Variants in NYAP2 observed in about 807,000 individuals in gnomAD.
The protein encoded by NYAP2 is neuronal tyrosine-phosphorylated phosphoinositide-3-kinase adaptor 2.
A neutral mutation model predicts 50.4 loss-of-function variants in NYAP2; 23 were observed. The ratio of observed to expected loss-of-function variants is 0.46; its 90% CI spans 0.33 to 0.65. The LOEUF (loss-of-function observed/expected upper bound fraction) is 0.65. Ranked by LOEUF, NYAP2 falls within the 30% of genes least tolerant of loss-of-function variation. NYAP2 has a pLI of 0.02. For synonymous variants in NYAP2, 394 were observed against 365.2 expected, an observed-to-expected ratio of 1.08 and a Z score of -0.90; for missense variants, 885 against 861.0, an observed-to-expected ratio of 1.03 and a Z score of -0.35.
chr2:225,591,280 C>T (rs1030378485), intron 5 of NYAP2, among the ~76,000 whole-genome samples: 1 of 152,194 alleles, frequency 6.6e-6, no homozygotes, highest in African/African-American at 2.4e-5. Flanking sequence ...GAGAGCATTA[C>T]TGGCAATCTG....
At chr2:225,638,156 T>TTG (rs146481098) in intron 6 of NYAP2, among the ~76,000 whole-genome samples, 12,304 of 135,196 alleles carry the variant, frequency 0.091, 651 homozygotes, top group Admixed American at 0.13. Flanking sequence ...ACTCGTGTGT[T>TTG]TGTGTGTGTG....
intron 3 of NYAP2, among the ~76,000 whole-genome samples, chr2:225,413,472 T>G (rs1239222862): frequency 6.6e-5 from 10 of 152,194 alleles, no homozygotes; most frequent in Non-Finnish European, 1.3e-4. Context: ...AATTCAATTT[T>G]ATTTGATTCA....
At chr2:225,597,268 A>G (rs1240714010) in intron 5 of NYAP2, among the ~76,000 whole-genome samples, 1 of 151,268 alleles carries the variant, frequency 6.6e-6, no homozygotes, top group African/African-American at 2.4e-5. Context: ...ATTGTACCCA[A>G]TTTGTAGTCT....
At chr2:225,473,980 T>G (rs1177889522) in intron 3 of NYAP2, among the ~76,000 whole-genome samples, 1 of 152,236 alleles carries the variant, frequency 6.6e-6, no homozygotes, top group Non-Finnish European at 1.5e-5. Context: ...TTGAATTAAT[T>G]TTTGTATAAG....
At chr2:225,475,615 G>T (rs532569738) in intron 3 of NYAP2, among the ~76,000 whole-genome samples, 16 of 152,320 alleles carry the variant, frequency 1.1e-4, no homozygotes, top group Admixed American at 9.8e-4. Flanking sequence ...GCATTCAGTT[G>T]TGAGGTTTAT....
Position 225,583,123 on chromosome 2 carries a change from A to C in NYAP2, c.1618+88A>C. ...CCCATTGTGTGCAGATAACGCACAG[A>C]GTACGGGGTCTTGAGGCCTTGGAGT... On this transcript the variant is annotated intron_variant, in intron 5 of 6. Coordinates refer to ENST00000636099, the Ensembl canonical transcript of NYAP2. The C allele has an allele frequency of 2.1e-6, 3 of 1,447,092 alleles. No individual in the cohort carries two copies. In the South Asian group the frequency reaches 4.2e-5, roughly 20 times the overall value. 89.6% of individuals were successfully genotyped at this position (1,447,092 alleles called of 1,614,324 possible).
chr2:225,426,309 A>G (rs1256151604), intron 3 of NYAP2, among the ~76,000 whole-genome samples: 1 of 152,148 alleles, frequency 6.6e-6, no homozygotes, highest in Non-Finnish European at 1.5e-5. Flanking sequence ...AGTTTTCTCC[A>G]TGTAATATCA....
At chr2:225,514,633 T>C (rs1380471158) in intron 4 of NYAP2, among the ~76,000 whole-genome samples, 2 of 152,098 alleles carry the variant, frequency 1.3e-5, no homozygotes, top group Admixed American at 1.3e-4. Flanking sequence ...TACCTCCACA[T>C]ACAATCATTA....
intron 3 of NYAP2, among the ~76,000 whole-genome samples, chr2:225,492,211 T>C (rs561565632): frequency 2.0e-5 from 3 of 152,206 alleles, no homozygotes; most frequent in East Asian, 1.9e-4. Flanking sequence ...GAAGCATCTA[T>C]GTCAGAACCA....
chr2:225,476,923 T>C (rs1294504740), intron 3 of NYAP2, among the ~76,000 whole-genome samples: 1 of 152,218 alleles, frequency 6.6e-6, no homozygotes, highest in Non-Finnish European at 1.5e-5. Flanking sequence ...AAAAAACGGC[T>C]ATTTAACAAC....
Position 225,582,367 on chromosome 2 carries a change from G to A in NYAP2, c.950G>A (p.Gly317Glu), listed in dbSNP as rs1224651608. The change falls in exon 5 of 7, where the codon GGG (glycine) becomes GAG (glutamate). Residue 317 changes from glycine to glutamate, a missense_variant. By Grantham distance (98) the Gly-to-Glu change is moderately conservative (BLOSUM62 -2). Transcript: ENST00000636099. The surrounding 1 kb of genome is among the most constrained non-coding windows in gnomAD (Gnocchi z 7.0). Reference sequence around the variant, plus strand: ...GCCTCAGTGCCATGCCCCCCCAAGGGGCTGCTTTGCGACATCCCTCCGCCC... The same window carrying A: ...GCCTCAGTGCCATGCCCCCCCAAGGAGCTGCTTTGCGACATCCCTCCGCCC... The A allele has an allele frequency of 7.4e-6, 12 of 1,612,502 alleles. No individual in the cohort carries two copies. Among genetic ancestry groups the A allele is most frequent in the Non-Finnish European group, 9.3e-6 (11 of 1,178,680 alleles).
chr2:225,620,433 ACACACGCACG>A (rs1033525180), intron 5 of NYAP2, among the ~76,000 whole-genome samples: 13 of 30,704 alleles, frequency 4.2e-4, no homozygotes, highest in African/African-American at 8.3e-4. Context: ...ACACGCACGC[ACACACGCACG>A]CACACGCACG....
At chr2:225,527,276 G>T (rs1691168992) in intron 4 of NYAP2, among the ~76,000 whole-genome samples, 1 of 152,144 alleles carries the variant, frequency 6.6e-6, no homozygotes. Flanking sequence ...TTGTAATCAG[G>T]CATTGATTTA....
chr2:225,653,633 C>T (rs903133056), exon 7 of NYAP2: 1 of 152,240 alleles, frequency 6.6e-6, no homozygotes, highest in Admixed American at 6.5e-5. Flanking sequence ...TTGTAATATA[C>T]ATGCATTCCT....
intron 6 of NYAP2, among the ~76,000 whole-genome samples, chr2:225,635,488 C>T (rs775800041): frequency 7.2e-5 from 11 of 152,028 alleles, no homozygotes; most frequent in East Asian, 5.8e-4. Flanking sequence ...AGTAGACAAA[C>T]GTTTATTCCG....
At position 225,582,627 on chromosome 2, in the gene NYAP2, G is replaced by A. The variant is rs1392406002; in HGVS notation, c.1210G>A (p.Ala404Thr). The A allele has an allele frequency of 1.9e-6, 3 of 1,595,330 alleles. No individual in the cohort carries two copies. The highest frequency in any genetic ancestry group is 3.5e-5 in the Admixed American group (2 of 57,778). Residue 404 changes from alanine to threonine, a missense_variant, in exon 5 of 7, where the codon GCC becomes ACC. Transcript: ENST00000636099. This position sits in a 1 kb window ranked among gnomAD's most constrained non-coding sequence, Gnocchi z 7.0. The stretch of plus-strand genomic sequence containing the variant: ...AGAGCAGGCCGCGGCCCTGGGACCT[G>A]CCTCTGCCACCCCTGCGCTCTCCTC...
chr2:225,560,218 A>AT (rs1189351886), intron 4 of NYAP2, among the ~76,000 whole-genome samples: 2 of 152,008 alleles, frequency 1.3e-5, no homozygotes, highest in African/African-American at 2.4e-5. Flanking sequence ...AATGTTGACC[A>AT]TTTTTTCTAT....
chr2:225,495,406 A>G (rs1690486318), intron 3 of NYAP2, among the ~76,000 whole-genome samples: 2 of 152,286 alleles, frequency 1.3e-5, no homozygotes, highest in South Asian at 4.1e-4. Context: ...TGGAAAGAAT[A>G]TGTTCTATCA....
chr2:225,638,668 G>A (rs1693470540), intron 6 of NYAP2, among the ~76,000 whole-genome samples: 1 of 152,122 alleles, frequency 6.6e-6, no homozygotes, highest in Non-Finnish European at 1.5e-5. Flanking sequence ...AATCAGAGGA[G>A]GCCTTCAGGG....
Sources: gnomAD v4.1 joint callset for allele counts (sites outside exome capture counted in the v4.1 genomes callset) on GRCh38, gnomAD v4.1.1 for gene constraint, Gnocchi (gnomAD v3.1) non-coding constraint, MANE v1.5 for transcripts, NCBI Gene and HGNC (gene_info 2026-07-23, HGNC 2026-07-21) for gene names.